The following PARD3B variants were observed in gnomAD, a reference collection of about 807,000 sequenced individuals.
The protein encoded by PARD3B is par-3 family cell polarity regulator beta.
PARD3B carries 103 observed loss-of-function variants against 130.2 expected under a neutral mutation model. That is an observed-to-expected ratio of 0.79 (90% CI 0.67 to 0.93). The LOEUF (loss-of-function observed/expected upper bound fraction) is 0.93, where lower values mean the gene tolerates loss of function less well. Among genes scored for constraint, PARD3B ranks in the 40% least tolerant of loss-of-function variants. The pLI, the probability that PARD3B is intolerant of heterozygous loss-of-function variation, is 0.00. For missense variants in PARD3B, 1,609 were observed against 1,499.2 expected, an observed-to-expected ratio of 1.07 and a Z score of -1.21; for synonymous variants, 583 against 553.2, an observed-to-expected ratio of 1.05 and a Z score of -0.76.
rs1010904164 is a variant in PARD3B at position 204,784,850 on chromosome 2, T to C, written c.222+98568T>C. On this transcript the variant is annotated intron_variant, in intron 2 of 22. Transcript: ENST00000406610. ...AGTTAACAATGAGATTTTTCATCAA[T>C]GATTTAACATTTGATTTATACTGTT... 3.9e-5 allele frequency among the ~76,000 whole-genome samples: 6 copies of C among 152,216 alleles called. 1 individual carries two copies. Among genetic ancestry groups the C allele is most frequent in the African/African-American group, 1.4e-4 (6 of 41,454 alleles).
chr2:205,454,307 A>G (rs543121824), intron 20 of PARD3B, among the ~76,000 whole-genome samples: 1 of 152,306 alleles, frequency 6.6e-6, no homozygotes, highest in East Asian at 1.9e-4. Context: ...GCAAAGTGTA[A>G]TCAAGAATAG....
At chr2:205,608,936 A>G (rs1383827916) in intron 22 of PARD3B, among the ~76,000 whole-genome samples, 1 of 152,224 alleles carries the variant, frequency 6.6e-6, no homozygotes, top group East Asian at 1.9e-4. Context: ...GAGGGCCACA[A>G]GCATCTGCTG....
chr2:204,654,957 G>A (rs558799562), intron 1 of PARD3B, among the ~76,000 whole-genome samples: 5 of 152,226 alleles, frequency 3.3e-5, no homozygotes, highest in Middle Eastern at 3.4e-3. Context: ...TAAAACAAGA[G>A]GATCTTGAAA....
At chr2:205,231,719 G>T (rs900916855) in intron 15 of PARD3B, among the ~76,000 whole-genome samples, 1 of 152,142 alleles carries the variant, frequency 6.6e-6, no homozygotes, top group Non-Finnish European at 1.5e-5. Context: ...ACAGTTTTCA[G>T]TTATTGAGTC....
chr2:205,058,673 G>A (rs577453365), intron 4 of PARD3B, among the ~76,000 whole-genome samples: 1 of 152,010 alleles, frequency 6.6e-6, no homozygotes, highest in African/African-American at 2.4e-5. Context: ...GTTTCGATTT[G>A]CATTTCCCTA....
intron 22 of PARD3B, 44 bp downstream of exon 22, chr2:205,553,447 G>A (rs1485795763): frequency 1.3e-6 from 2 of 1,559,078 alleles, no homozygotes; most frequent in Non-Finnish European, 1.8e-6. Context: ...ACCTACAAAT[G>A]AAGTCTTTAG....
chr2:205,000,231 C>G (rs1028331365), intron 3 of PARD3B, among the ~76,000 whole-genome samples: 1 of 152,070 alleles, frequency 6.6e-6, no homozygotes, highest in African/African-American at 2.4e-5. Context: ...GTAATGGGTG[C>G]AGTGGTGCAC....
intron 2 of PARD3B, among the ~76,000 whole-genome samples, chr2:204,750,885 G>A (rs563851052): frequency 1.3e-5 from 2 of 151,824 alleles, no homozygotes. Flanking sequence ...TCTTGCAAAG[G>A]CTTTACATTT....
intron 18 of PARD3B, among the ~76,000 whole-genome samples, chr2:205,381,186 A>T (rs1289462211): frequency 3.2e-5 from 4 of 123,138 alleles, no homozygotes; most frequent in Non-Finnish European, 4.8e-5. Context: ...ATATATAAAG[A>T]ATATATATTA....
rs1263684423 is a variant in PARD3B at position 205,291,509 on chromosome 2, A to G, written c.2186-9021A>G. ...TTGCTGAAGTGTGTTGTTCTGGTGT[A>G]TTATGGAAGGTAGAACTTGTAAGTG... is the stretch of plus-strand genomic sequence containing the variant. On this transcript the variant is annotated intron_variant, in intron 16 of 22. Coordinates refer to ENST00000406610, the MANE Select transcript of PARD3B (RefSeq NM_001302769.2). The surrounding 1 kb of genome is among the most constrained non-coding windows in gnomAD (Gnocchi z 4.6). 2.6e-5 allele frequency among the ~76,000 whole-genome samples: 4 copies of G among 152,230 alleles called. No individual in the cohort carries two copies. The highest frequency in any genetic ancestry group is 5.9e-5 in the Non-Finnish European group (4 of 68,034).
chr2:205,237,087 C>CTTTG (rs542158879), intron 15 of PARD3B, among the ~76,000 whole-genome samples: 108 of 151,952 alleles, frequency 7.1e-4, no homozygotes, highest in East Asian at 2.9e-3. Flanking sequence ...TGCTTAAACC[C>CTTTG]TTTGTTTGTT....
intron 3 of PARD3B, among the ~76,000 whole-genome samples, chr2:204,998,436 G>A (rs62173519): frequency 5.2e-5 from 1 of 19,084 alleles, no homozygotes; most frequent in African/African-American, 1.2e-4. Context: ...GTATATATAT[G>A]TGTGTGTATA....
chr2:205,009,527 C>T (rs866513863), intron 3 of PARD3B, among the ~76,000 whole-genome samples: 63 of 152,032 alleles, frequency 4.1e-4, no homozygotes, highest in Middle Eastern at 6.8e-3. Flanking sequence ...AAAAATTAGC[C>T]GGGCATGGTG....
At chr2:204,686,381 T>C (rs193234891) in intron 2 of PARD3B, 99 bp downstream of exon 2, 1 of 886,718 alleles carries the variant, frequency 1.1e-6, no homozygotes, top group East Asian at 2.5e-5. Flanking sequence ...CAATTATTAT[T>C]AAAAGATACC....
At chr2:204,724,835 T>A (rs962153473) in intron 2 of PARD3B, among the ~76,000 whole-genome samples, 1 of 5,274 alleles carries the variant, frequency 1.9e-4, no homozygotes, top group Non-Finnish European at 4.4e-4. Flanking sequence ...CATCGAATAG[T>A]GGGGGGCGGG....
intron 15 of PARD3B, among the ~76,000 whole-genome samples, chr2:205,217,832 ATATGTGTGTATATG>A (rs2038007311): frequency 1.3e-5 from 1 of 77,850 alleles, no homozygotes; most frequent in East Asian, 4.6e-4. Flanking sequence ...GTGTGTGTAT[ATATGTGTGTATATG>A]TGTGTGTGTG....
chr2:205,027,415 T>G (rs1205930812), intron 3 of PARD3B, among the ~76,000 whole-genome samples: 5 of 152,196 alleles, frequency 3.3e-5, no homozygotes, highest in Non-Finnish European at 7.3e-5. Context: ...TGGTTATTTG[T>G]TTTTTGATAT....
chr2:204,633,993 A>T (rs1311063265), intron 1 of PARD3B, among the ~76,000 whole-genome samples: 2 of 152,140 alleles, frequency 1.3e-5, no homozygotes, highest in African/African-American at 4.8e-5. Flanking sequence ...TAAACAATAC[A>T]ATTACACTCT....
At chr2:204,709,367 T>A (rs1395184544) in intron 2 of PARD3B, among the ~76,000 whole-genome samples, 1 of 152,244 alleles carries the variant, frequency 6.6e-6, no homozygotes, top group Non-Finnish European at 1.5e-5. Context: ...TCTGCCAGAC[T>A]GCTGTGGAAT....
Sources: allele counts gnomAD v4.1 joint callset (sites outside exome capture counted in the v4.1 genomes callset), GRCh38; gene constraint gnomAD v4.1.1; non-coding constraint Gnocchi (gnomAD v3.1); transcripts MANE v1.5; gene names NCBI Gene and HGNC (gene_info 2026-07-23, HGNC 2026-07-21).